The following ABCB1 variants were observed in gnomAD, a reference collection of about 807,000 sequenced individuals.
ABCB1 encodes the protein ATP-dependent translocase ABCB1.
In ABCB1, 69 loss-of-function variants were observed where a neutral mutation model predicts 142.0. The observed-to-expected ratio is 0.49, with a 90% confidence interval of 0.40 to 0.59. The LOEUF is 0.59. ABCB1 is among the 20% of genes least tolerant of loss of function. The pLI, the probability that ABCB1 is intolerant of heterozygous loss-of-function variation, is 0.00. For missense variants in ABCB1, 1,326 were observed against 1,554.7 expected (o/e 0.85, Z 2.47); for synonymous variants, 532 against 539.2 (o/e 0.99, Z 0.18).
intron 14 of ABCB1, among the ~76,000 whole-genome samples, chr7:87,548,567 A>T (rs1022904132): frequency 6.6e-6 from 1 of 152,206 alleles, no homozygotes; most frequent in African/African-American, 2.4e-5. Context: ...GTGTTGTTTT[A>T]TTAGAGACAG....
At chr7:87,559,442 T>A (rs1046788586) in intron 8 of ABCB1, among the ~76,000 whole-genome samples, 1 of 152,074 alleles carries the variant, frequency 6.6e-6, no homozygotes, top group African/African-American at 2.4e-5. Context: ...TCTTTTTTTG[T>A]TCCTGATTAA....
intron 1 of ABCB1, among the ~76,000 whole-genome samples, chr7:87,663,667 A>C (rs185467772): frequency 2.6e-5 from 4 of 152,192 alleles, no homozygotes; most frequent in Non-Finnish European, 4.4e-5. Flanking sequence ...GACAAGGTAG[A>C]GTAAGTCCAA....
Position 87,544,965 on chromosome 7 carries a change from G to A in ABCB1, c.1922C>T (p.Ala641Val), listed in dbSNP as rs748496246. Reference protein sequence around the residue: ...AGNEVELENAADESKSEIDAL... With the variant: ...AGNEVELENAVDESKSEIDAL... Reference sequence around the variant, plus strand: ...ATCAATTTCACTTTTGGATTCATCAGCTGCATTTTCTAATTCAACTTCATT... The same window carrying A: ...ATCAATTTCACTTTTGGATTCATCAACTGCATTTTCTAATTCAACTTCATT... The change falls in exon 16 of 28, where the codon GCT becomes GTT. Residue 641 changes from alanine (A) to valine (V), a missense_variant. Transcript: ENST00000622132. 1.2e-6 allele frequency: 2 copies of A among 1,613,884 alleles called. No individual in the cohort carries two copies. The highest frequency in any genetic ancestry group is 3.3e-5 in the Admixed American group (2 of 60,006).
intron 1 of ABCB1, among the ~76,000 whole-genome samples, 154 bp downstream of exon 1, chr7:87,600,601 T>A (rs529066432): frequency 3.3e-5 from 5 of 152,232 alleles, no homozygotes; most frequent in Non-Finnish European, 5.9e-5. Flanking sequence ...TGAGTCTAGA[T>A]CTAACCCCAC....
rs930790323 is a variant in ABCB1, at chr7:87,549,968, C to G, written c.1437G>C (p.Leu479Phe). The G allele has an allele frequency of 1.2e-6, 2 of 1,614,194 alleles. No individual in the cohort carries two copies. The highest frequency in any genetic ancestry group is 2.7e-5 in the African/African-American group (2 of 75,046). The change falls in exon 13 of 28, where the codon TTG (leucine) becomes TTC (phenylalanine). Residue 479 changes from leucine (L) to phenylalanine (F), a missense_variant. Physicochemically the swap from Leu to Phe is conservative, Grantham distance 22 (BLOSUM62 0). Coordinates refer to ENST00000622132, the MANE Select transcript of ABCB1 (RefSeq NM_001348946.2). ...TGTTTTCAGCTATCGTGGTGGCAAA[C>G]AATACAGGTTCCTGACTCACCACAC... ...IIGVVSQEPV[L>F]FATTIAENIR...
At position 87,628,572 on chromosome 7, in the gene ABCB1, GGTGC is replaced by G. The variant is rs1226549428; in HGVS notation, c.-330-27498_-330-27495del. 685 of 326,644 alleles carry G rather than the reference GGTGC, an allele frequency of 2.1e-3. 1 individual carries two copies. Among genetic ancestry groups the G allele is most frequent in the Non-Finnish European group, 2.5e-3 (468 of 184,962 alleles). The allele number at this position is 326,644 out of a possible 1,614,324, so 20.2% of individuals were successfully genotyped here. On this transcript the variant is annotated intron_variant, in intron 1 of 28. Coordinates refer to the ABCB1 transcript ENST00000265724. ...TCGGCGGCGCGCCGAGGGCGGAGGT[GGTGC>G]GTGCGTGCGTGTGTGTGTGTGTGTG...
At chr7:87,573,758 A>G (rs567466106) in intron 4 of ABCB1, among the ~76,000 whole-genome samples, 1 of 152,314 alleles carries the variant, frequency 6.6e-6, no homozygotes, top group African/African-American at 2.4e-5. Context: ...GATTTACCAG[A>G]TATTTCCTTT....
At chr7:87,551,482 TA>T (rs1365346567) in intron 9 of ABCB1, among the ~76,000 whole-genome samples, 1 of 152,212 alleles carries the variant, frequency 6.6e-6, no homozygotes, top group African/African-American at 2.4e-5. Flanking sequence ...CAATTAAAAA[TA>T]GCATAAAATT....
At chr7:87,577,904 C>T (rs1818341569) in intron 4 of ABCB1, among the ~76,000 whole-genome samples, 1 of 152,120 alleles carries the variant, frequency 6.6e-6, no homozygotes, top group Non-Finnish European at 1.5e-5. Flanking sequence ...CCTCTGCAGT[C>T]CAGAAGGTTT....
intron 1 of ABCB1, among the ~76,000 whole-genome samples, chr7:87,676,398 A>G (rs1383073103): frequency 6.6e-6 from 1 of 151,366 alleles, no homozygotes; most frequent in Non-Finnish European, 1.5e-5. Context: ...AACAACAACA[A>G]CATTAAAAAA....
intron 1 of ABCB1, chr7:87,700,300 TG>T (rs1267223859): frequency 1.4e-6 from 1 of 732,174 alleles, no homozygotes; most frequent in Non-Finnish European, 2.1e-6. Context: ...AGATTGGTGG[TG>T]CCCTTGCCAT....
chr7:87,612,776 C>A (rs566750244), intron 1 of ABCB1, among the ~76,000 whole-genome samples: 1 of 151,942 alleles, frequency 6.6e-6, no homozygotes, highest in East Asian at 1.9e-4. Context: ...ATTTTAGGAT[C>A]GTTTTTTCTA....
chr7:87,642,203 CTG>C (rs1192792305), intron 1 of ABCB1, among the ~76,000 whole-genome samples: 1 of 151,968 alleles, frequency 6.6e-6, no homozygotes, highest in Non-Finnish European at 1.5e-5. Flanking sequence ...ATTTTTAAAA[CTG>C]TGCTGTCTTG....
chr7:87,656,001 A>G (rs1208962755), intron 1 of ABCB1, among the ~76,000 whole-genome samples: 2 of 152,140 alleles, frequency 1.3e-5, no homozygotes, highest in Non-Finnish European at 1.5e-5. Context: ...GGAAGCAGAG[A>G]CAGGACCCTC....
intron 1 of ABCB1, among the ~76,000 whole-genome samples, chr7:87,646,548 T>C (rs1453187273): frequency 1.3e-5 from 2 of 152,196 alleles, no homozygotes; most frequent in African/African-American, 4.8e-5. Flanking sequence ...GCAGTGTGGA[T>C]GCAGAGTTAG....
intron 3 of ABCB1, among the ~76,000 whole-genome samples, chr7:87,592,627 C>T (rs1363185979): frequency 1.3e-5 from 2 of 152,196 alleles, no homozygotes; most frequent in African/African-American, 2.4e-5. Context: ...TCTGAGTCTA[C>T]CCTGCTTAGT....
chr7:87,645,936 T>C (rs1822958441), intron 1 of ABCB1, among the ~76,000 whole-genome samples: 1 of 152,216 alleles, frequency 6.6e-6, no homozygotes, highest in African/African-American at 2.4e-5. Flanking sequence ...GAAGCAAAGC[T>C]GGAGAACATT....
intron 1 of ABCB1, among the ~76,000 whole-genome samples, chr7:87,654,755 A>G (rs1018067618): frequency 1.2e-4 from 19 of 152,126 alleles, no homozygotes; most frequent in African/African-American, 4.3e-4. Flanking sequence ...TTACATCATC[A>G]GAGTAAAGAG....
chr7:87,579,190 CTT>C (rs1818402726), intron 4 of ABCB1, among the ~76,000 whole-genome samples: 2 of 152,120 alleles, frequency 1.3e-5, no homozygotes, highest in Non-Finnish European at 2.9e-5. Context: ...TGACTTCTTC[CTT>C]TCCAATTCAG....
Sources: allele counts gnomAD v4.1 joint callset (sites outside exome capture counted in the v4.1 genomes callset), GRCh38; gene constraint gnomAD v4.1.1; transcripts MANE v1.5; gene names NCBI Gene and HGNC (gene_info 2026-07-23, HGNC 2026-07-21).